The following MDN1 variants were observed in gnomAD, a reference collection of about 807,000 sequenced individuals.
MDN1 encodes the protein midasin.
Under a neutral mutation model 669.2 loss-of-function variants are expected in MDN1, and 266 were observed. The observed-to-expected ratio is 0.40, with a 90% CI of 0.36 to 0.44. The LOEUF is 0.44. Ranked by LOEUF, MDN1 falls within the 20% of genes least tolerant of loss-of-function variation. The probability of loss-of-function intolerance (pLI) is 1.00; values close to 1 mark genes in which losing one functional copy is unlikely to be tolerated. For synonymous variants in MDN1, 2,385 were observed against 2,457.1 expected (o/e 0.97, Z 0.87); for missense variants, 5,940 against 6,754.0 (o/e 0.88, Z 4.22).
intron 59 of MDN1, among the ~76,000 whole-genome samples, chr6:89,698,132 C>T (rs1416336150): frequency 6.6e-6 from 1 of 152,176 alleles, no homozygotes; most frequent in Non-Finnish European, 1.5e-5. Flanking sequence ...GACTTCAGGA[C>T]TTCCCTCTTC....
chr6:89,793,372 G>A (rs1156872611), intron 5 of MDN1, among the ~76,000 whole-genome samples: 1 of 152,150 alleles, frequency 6.6e-6, no homozygotes, highest in Non-Finnish European at 1.5e-5. Context: ...ACAGCTCCGC[G>A]CAAGTTAAAG....
chr6:89,732,607 G>A lies in MDN1; in HGVS notation c.4892C>T (p.Thr1631Ile), dbSNP rs369006499. ...LKRPEIISTV[T>I]SFVHAACLVY... is the part of the protein sequence containing the mutation. ...CAGGCATGCAGCATGGACAAAAGAT[G>A]TCACAGTGGAGATGATCTCTGGCCT... Residue 1631 changes from threonine (T) to isoleucine (I), a missense_variant, in exon 34 of 102, where the codon ACA becomes ATA. Thr to Ile is a moderately conservative substitution (Grantham distance 89). This residue lies in a region of MDN1 where 2,292 missense variants were observed against 2,638.3 expected (regional missense o/e 0.87). Transcript: ENST00000369393. The A allele has an allele frequency of 6.2e-7, 1 of 1,614,010 alleles. No individual in the cohort carries two copies. The highest frequency in any genetic ancestry group is 8.5e-7 in the Non-Finnish European group (1 of 1,180,016).
At chr6:89,735,989 C>T (rs894715057) in intron 33 of MDN1, among the ~76,000 whole-genome samples, 2 of 152,144 alleles carry the variant, frequency 1.3e-5, no homozygotes, top group Non-Finnish European at 2.9e-5. Context: ...CATAGCAAGA[C>T]TGTGTCTCAA....
intron 33 of MDN1, among the ~76,000 whole-genome samples, chr6:89,734,583 C>G (rs1043519352): frequency 1.1e-4 from 16 of 148,888 alleles, no homozygotes; most frequent in Non-Finnish European, 1.5e-5. Flanking sequence ...TGGTTTGAGC[C>G]TGGGAGGCAG....
At chr6:89,675,085 G>A (rs887696625) in intron 78 of MDN1, among the ~76,000 whole-genome samples, 2 of 152,152 alleles carry the variant, frequency 1.3e-5, no homozygotes, top group East Asian at 1.9e-4. Flanking sequence ...AAATCTCATC[G>A]GTGCCCAAGA....
intron 17 of MDN1, among the ~76,000 whole-genome samples, chr6:89,760,618 T>C (rs1326964713): frequency 1.3e-5 from 2 of 152,106 alleles, no homozygotes; most frequent in Admixed American, 6.5e-5. Flanking sequence ...GTTGTATATA[T>C]ACATATATAC....
chr6:89,762,128 C>A (rs1171172900), intron 16 of MDN1, among the ~76,000 whole-genome samples, 191 bp downstream of exon 16: 1 of 152,190 alleles, frequency 6.6e-6, no homozygotes, highest in Admixed American at 6.5e-5. Context: ...AGTACTTGCA[C>A]ATCAGCATTA....
chr6:89,676,728 C>G (rs1178001689), intron 76 of MDN1, among the ~76,000 whole-genome samples: 1 of 152,132 alleles, frequency 6.6e-6, no homozygotes, highest in Non-Finnish European at 1.5e-5. Context: ...TAAAATTTCC[C>G]CTTTCTACAA....
intron 75 of MDN1, among the ~76,000 whole-genome samples, chr6:89,678,108 G>C (rs1193770691): frequency 6.6e-6 from 1 of 152,048 alleles, no homozygotes; most frequent in Non-Finnish European, 1.5e-5. Context: ...CCTGTCTCTA[G>C]TAAAAATACA....
At chr6:89,817,214 G>A (rs1431243173) in intron 1 of MDN1, among the ~76,000 whole-genome samples, 3 of 152,128 alleles carry the variant, frequency 2.0e-5, no homozygotes, top group East Asian at 1.9e-4. Context: ...ACCACCTTGG[G>A]CACATTTTCT....
intron 88 of MDN1, 116 bp downstream of exon 88, chr6:89,661,315 C>A: frequency 8.5e-7 from 1 of 1,179,718 alleles, no homozygotes; most frequent in Non-Finnish European, 1.2e-6. Flanking sequence ...TGGGATTGAG[C>A]CTACCAAACG....
At position 89,699,809 on chromosome 6, in the gene MDN1, A is replaced by G. The variant is rs550230865; in HGVS notation, c.8871-82T>C. The G allele has an allele frequency of 3.5e-6, 5 of 1,432,256 alleles. 1 individual carries two copies. The South Asian group carries it at 3.9e-5, about 11-fold the overall frequency. 88.7% of individuals were successfully genotyped at this position (1,432,256 alleles called of 1,614,324 possible). ...AAAGCTGCTACATTAGGGAAGGTGT[A>G]ACATAAAACTTACAGTACATTTATC... On this transcript the variant is annotated intron_variant, in intron 57 of 101. Transcript: ENST00000369393.
intron 6 of MDN1, 67 bp downstream of exon 6, chr6:89,790,092 A>C: frequency 6.2e-7 from 1 of 1,607,402 alleles, no homozygotes; most frequent in Non-Finnish European, 8.5e-7. Context: ...CCCTTAGCAA[A>C]AGCAATATTT....
chr6:89,656,952 C>T (rs999334730), intron 90 of MDN1, 151 bp from the exon 91 acceptor site: 29 of 640,506 alleles, frequency 4.5e-5, no homozygotes, highest in Non-Finnish European at 7.1e-5. Flanking sequence ...TGGAACTCAC[C>T]GTAACTAAGG....
chr6:89,776,592 A>G lies in MDN1; in HGVS notation c.1821+8T>C. 1 of 1,597,170 alleles carries G rather than the reference A, an allele frequency of 6.3e-7. No individual in the cohort carries two copies. Among genetic ancestry groups the G allele is most frequent in the Non-Finnish European group, 8.6e-7 (1 of 1,167,332 alleles). On this transcript the variant is annotated splice_region_variant and intron_variant, in intron 12 of 101. Transcript: ENST00000369393. Reference sequence around the variant, plus strand: ...TTCAACAGGGAAGTAAAAAAACAGCACACATACCTTTTTTCTAGAAATGTT... The same window carrying G: ...TTCAACAGGGAAGTAAAAAAACAGCGCACATACCTTTTTTCTAGAAATGTT...
rs1347583447 is a variant in MDN1 at position 89,643,275 on chromosome 6, C to CTGAA, written c.*726_*729dup. On this transcript the variant is annotated 3_prime_UTR_variant, in exon 102 of 102. Coordinates refer to ENST00000369393, the MANE Select transcript of MDN1 (RefSeq NM_014611.3). ...TACTACAACAACAGGGACCATGGCA[C>CTGAA]TGAATGAAATAAAGGGGCAATCACC... 1 of 152,078 alleles carries CTGAA rather than the reference C, an allele frequency of 6.6e-6. No individual in the cohort carries two copies. Among genetic ancestry groups the CTGAA allele is most frequent in the Admixed American group, 6.5e-5 (1 of 15,268 alleles). The allele number at this position is 152,078 out of a possible 1,614,324, so 9.4% of individuals were successfully genotyped here. A position where few individuals can be genotyped will look rare whatever the true frequency, so the allele number is the denominator to read the frequency against.
chr6:89,673,780 C>G (rs901627990), intron 79 of MDN1, among the ~76,000 whole-genome samples: 1 of 152,062 alleles, frequency 6.6e-6, no homozygotes, highest in African/African-American at 2.4e-5. Flanking sequence ...TAATGATATT[C>G]CATTATCATT....
chr6:89,690,339 G>A (rs556126856), intron 64 of MDN1, among the ~76,000 whole-genome samples, 196 bp from the exon 65 acceptor site: 32 of 152,298 alleles, frequency 2.1e-4, no homozygotes, highest in African/African-American at 4.8e-4. Context: ...TTGGGAGGCC[G>A]AGGAGGGAGG....
chr6:89,672,821 G>T, intron 80 of MDN1, 119 bp from the exon 81 acceptor site: 3 of 1,126,240 alleles, frequency 2.7e-6, no homozygotes, highest in Non-Finnish European at 2.5e-6. Flanking sequence ...GTCAAGCTGT[G>T]CCAGATACAA....
Sources: allele counts gnomAD v4.1 joint callset (sites outside exome capture counted in the v4.1 genomes callset), GRCh38; gene constraint gnomAD v4.1.1; regional missense constraint gnomAD v4.1.1; transcripts MANE v1.5; gene names NCBI Gene and HGNC (gene_info 2026-07-23, HGNC 2026-07-21).